Variants in KIF1B observed in about 807,000 individuals in gnomAD.
KIF1B encodes kinesin-like protein KIF1B.
KIF1B carries 76 observed loss-of-function variants against 241.9 expected under a neutral mutation model. The ratio of observed to expected loss-of-function variants is 0.31; its 90% confidence interval spans 0.26 to 0.38. The LOEUF (loss-of-function observed/expected upper bound fraction) is 0.38, where lower values mean the gene tolerates loss of function less well. Ranked by LOEUF, KIF1B falls within the 10% of genes least tolerant of loss-of-function variation. The pLI is 1.00. For synonymous variants in KIF1B, 750 were observed against 796.7 expected (o/e 0.94, Z 0.99); for missense variants, 1,622 against 2,271.4 (o/e 0.71, Z 5.81).
At chr1:10,239,088 A>G (rs1433625988) in intron 2 of KIF1B, among the ~76,000 whole-genome samples, 1 of 152,088 alleles carries the variant, frequency 6.6e-6, no homozygotes. Flanking sequence ...AGCTGGGACC[A>G]CAGTCCTGTG....
intron 39 of KIF1B, 32 bp from the exon 40 acceptor site, chr1:10,361,660 A>C (rs969862456): frequency 1.9e-6 from 3 of 1,612,472 alleles, no homozygotes; most frequent in Non-Finnish European, 2.5e-6. Flanking sequence ...CTCTGCCTGC[A>C]CTTCATCAGC....
At chr1:10,240,721 A>ATTTTTTTTT (rs34449939) in intron 2 of KIF1B, among the ~76,000 whole-genome samples, 2 of 110,054 alleles carry the variant, frequency 1.8e-5, no homozygotes, top group East Asian at 3.3e-4. Flanking sequence ...TGGGTAGTTC[A>ATTTTTTTTT]TTTTTTTTTT....
At chr1:10,225,166 T>G (rs1161224374) in intron 1 of KIF1B, among the ~76,000 whole-genome samples, 2 of 152,144 alleles carry the variant, frequency 1.3e-5, no homozygotes, top group African/African-American at 4.8e-5. Context: ...GCCTAGGGGT[T>G]GAGGACCCCT....
At chr1:10,232,682 CTTA>C (rs922110682) in intron 2 of KIF1B, among the ~76,000 whole-genome samples, 1 of 152,028 alleles carries the variant, frequency 6.6e-6, no homozygotes, top group Admixed American at 6.6e-5. Context: ...AGTGTTTATG[CTTA>C]TTAAGTTGAA....
chr1:10,247,892 A>G (rs374193608), intron 2 of KIF1B, among the ~76,000 whole-genome samples: 1 of 152,126 alleles, frequency 6.6e-6, no homozygotes, highest in Admixed American at 6.6e-5. Flanking sequence ...ATCATCAGAC[A>G]TTAGTTAGAT....
At chr1:10,264,161 C>G (rs539515461) in intron 5 of KIF1B, among the ~76,000 whole-genome samples, 1 of 152,312 alleles carries the variant, frequency 6.6e-6, no homozygotes, top group Middle Eastern at 3.4e-3. Flanking sequence ...TCATACTCAT[C>G]ATGTTCTAAC....
intron 1 of KIF1B, among the ~76,000 whole-genome samples, chr1:10,212,803 T>C (rs1444577132): frequency 6.6e-6 from 1 of 150,392 alleles, no homozygotes; most frequent in African/African-American, 2.4e-5. Context: ...GGTGGGAGGA[T>C]TGCTTGAGGC....
chr1:10,336,072 T>A (rs554742038), intron 28 of KIF1B, among the ~76,000 whole-genome samples: 1 of 152,316 alleles, frequency 6.6e-6, no homozygotes, highest in South Asian at 2.1e-4. Context: ...ACTTGTTGGG[T>A]ATTATTGACT....
chr1:10,319,585 A>G (rs1651445054), intron 22 of KIF1B, among the ~76,000 whole-genome samples: 1 of 152,068 alleles, frequency 6.6e-6, no homozygotes, highest in South Asian at 2.1e-4. Flanking sequence ...TACAATCTTA[A>G]TTTTTTTTCC....
At chr1:10,308,503 TTGAG>T in intron 22 of KIF1B, 1 of 1,031,924 alleles carries the variant, frequency 9.7e-7, no homozygotes, top group Non-Finnish European at 1.2e-6. Flanking sequence ...AAGATTGTCT[TTGAG>T]TGTAAGATCT....
At chr1:10,250,589 G>A (rs1055907941) in intron 2 of KIF1B, among the ~76,000 whole-genome samples, 3 of 151,976 alleles carry the variant, frequency 2.0e-5, no homozygotes, top group Admixed American at 6.6e-5. Context: ...ACTTTGGGAG[G>A]GCAAGGAAAG....
intron 40 of KIF1B, 135 bp from the exon 41 acceptor site, chr1:10,363,148 C>A: frequency 1.5e-6 from 1 of 660,654 alleles, no homozygotes; most frequent in Non-Finnish European, 2.7e-6. Flanking sequence ...AAGAAAAGAG[C>A]GGTGACAAAT....
At chr1:10,267,106 C>A (rs1340432098) in intron 5 of KIF1B, among the ~76,000 whole-genome samples, 1 of 152,082 alleles carries the variant, frequency 6.6e-6, no homozygotes, top group Non-Finnish European at 1.5e-5. Flanking sequence ...TAACCTCCAC[C>A]TCCCAGGTAC....
At chr1:10,299,090 C>G (rs912833239) in intron 22 of KIF1B, 1 of 141,860 alleles carries the variant, frequency 7.0e-6, no homozygotes, top group Non-Finnish European at 1.5e-5. Context: ...AAAAAAGAAA[C>G]AAAAACCACA....
At chr1:10,223,541 G>GTTTTT in intron 1 of KIF1B, among the ~76,000 whole-genome samples, 1 of 118,594 alleles carries the variant, frequency 8.4e-6, no homozygotes, top group Non-Finnish European at 1.8e-5. Context: ...TTTTTGTTTT[G>GTTTTT]TTTTGTTTTT....
At chr1:10,277,510 A>C (rs2102224705) in intron 12 of KIF1B, among the ~76,000 whole-genome samples, 1 of 152,148 alleles carries the variant, frequency 6.6e-6, no homozygotes, top group South Asian at 2.1e-4. Flanking sequence ...AATTTTTAAA[A>C]ATTTCTTGTA....
intron 47 of KIF1B, 62 bp from the exon 48 acceptor site, chr1:10,375,193 C>G (rs1309299484): frequency 6.7e-7 from 1 of 1,500,120 alleles, no homozygotes; most frequent in East Asian, 2.3e-5. Context: ...GGGAATATGG[C>G]AAGGCAGTCC....
intron 37 of KIF1B, among the ~76,000 whole-genome samples, chr1:10,349,591 G>A (rs1039180689): frequency 1.3e-5 from 2 of 151,618 alleles, no homozygotes; most frequent in Non-Finnish European, 2.9e-5. Context: ...AACAAGCCAG[G>A]AGGACTGAAT....
intron 31 of KIF1B, 26 bp from the exon 32 acceptor site, chr1:10,339,737 TGTTCAC>T: frequency 6.3e-7 from 1 of 1,586,618 alleles, no homozygotes; most frequent in Non-Finnish European, 8.6e-7. Context: ...TTTAATGCAT[TGTTCAC>T]GAGTCTTTTT....
Sources: allele counts gnomAD v4.1 joint callset (sites outside exome capture counted in the v4.1 genomes callset), GRCh38; gene constraint gnomAD v4.1.1; transcripts MANE v1.5; gene names NCBI Gene and HGNC (gene_info 2026-07-23, HGNC 2026-07-21).